CMIP: variants seen among roughly 807,000 people sequenced by gnomAD.
CMIP encodes the protein c-Maf inducing protein.
Under a neutral mutation model 97.3 loss-of-function variants are expected in CMIP, and 13 were observed. The ratio of observed to expected loss-of-function variants is 0.13; its 90% CI spans 0.09 to 0.21. CMIP has a LOEUF of 0.21. CMIP is among the 10% of genes least tolerant of loss of function. The pLI is 1.00. For synonymous variants in CMIP, 538 were observed against 436.3 expected, an observed-to-expected ratio of 1.23 and a Z score of -2.91; for missense variants, 847 against 1,024.9, an observed-to-expected ratio of 0.83 and a Z score of 2.37.
At chr16:81,557,777 C>A (rs79277834) in intron 1 of CMIP, among the ~76,000 whole-genome samples, 8,341 of 152,238 alleles carry the variant, frequency 0.055, 312 homozygotes, top group South Asian at 0.16. Context: ...AAAAACAAGA[C>A]AATTGTGGTG....
intron 1 of CMIP, among the ~76,000 whole-genome samples, chr16:81,490,292 A>C (rs990440302): frequency 2.0e-5 from 3 of 152,254 alleles, no homozygotes; most frequent in Admixed American, 6.5e-5. Flanking sequence ...CCCAGTGCAG[A>C]GGCCTGATGC....
intron 1 of CMIP, among the ~76,000 whole-genome samples, chr16:81,520,984 G>T (rs1300713672): frequency 6.6e-6 from 1 of 152,208 alleles, no homozygotes; most frequent in Non-Finnish European, 1.5e-5. Context: ...GGTGGCATGT[G>T]TCAGAAAAAG....
In CMIP at chr16:81,614,978, C is replaced by CGT. The variant is rs1366298715; in HGVS notation, c.427-5888_427-5887dup. ...GTGTGGTGTGTTGTGTGATATGTGACGTGTGTGTGTGGTGTATGTGTCTAT... is the reference window on the plus strand; with the variant it reads ...GTGTGGTGTGTTGTGTGATATGTGACGTGTGTGTGTGTGGTGTATGTGTCTAT... On this transcript the variant is annotated intron_variant, in intron 2 of 20. Coordinates refer to ENST00000537098, the MANE Select transcript of CMIP (RefSeq NM_198390.3). The surrounding 1 kb of genome is among the most constrained non-coding windows in gnomAD (Gnocchi z 5.3). Among the ~76,000 whole-genome samples the CGT allele has an allele frequency of 7.4e-6, 1 of 135,638 alleles. No homozygotes were observed. Among genetic ancestry groups the CGT allele is most frequent in the Admixed American group, 7.4e-5 (1 of 13,600 alleles). 89.0% of individuals were successfully genotyped at this position (135,638 alleles called of 152,430 possible). A position where few individuals can be genotyped will look rare whatever the true frequency, so the allele number is the denominator to read the frequency against.
chr16:81,617,766 C>T (rs933540245), intron 2 of CMIP, among the ~76,000 whole-genome samples: 1 of 152,260 alleles, frequency 6.6e-6, no homozygotes, highest in Non-Finnish European at 1.5e-5. Context: ...CCTCAAGGAA[C>T]TCCTAGTCCA....
intron 1 of CMIP, among the ~76,000 whole-genome samples, chr16:81,487,959 C>T (rs1483001136): frequency 6.6e-6 from 1 of 152,210 alleles, no homozygotes; most frequent in Non-Finnish European, 1.5e-5. Flanking sequence ...TCGGCTTCTG[C>T]TCTTTGCAAC....
At chr16:81,546,939 A>AT (rs2090557842) in intron 1 of CMIP, among the ~76,000 whole-genome samples, 1 of 152,208 alleles carries the variant, frequency 6.6e-6, no homozygotes, top group African/African-American at 2.4e-5. Context: ...GATGTAGAAC[A>AT]TTCCCTGCAT....
At chr16:81,588,017 C>T (rs1260779928) in intron 1 of CMIP, among the ~76,000 whole-genome samples, 2 of 152,114 alleles carry the variant, frequency 1.3e-5, no homozygotes, top group East Asian at 3.9e-4. Flanking sequence ...CTAAGGCTGC[C>T]GGCTCTTGCT....
chr16:81,627,918 G>A lies in CMIP; in HGVS notation c.477+6992G>A, dbSNP rs534163370. 9.7e-4 allele frequency among the ~76,000 whole-genome samples: 147 copies of A among 152,272 alleles called. No homozygotes were observed. The highest frequency in any genetic ancestry group is 3.5e-3 in the African/African-American group (145 of 41,550). On this transcript the variant is annotated intron_variant, in intron 3 of 20. Coordinates refer to ENST00000537098, the MANE Select transcript of CMIP (RefSeq NM_198390.3). The surrounding 1 kb of genome is among the most constrained non-coding windows in gnomAD (Gnocchi z 4.6). Reference sequence around the variant, plus strand: ...GGCAAAGTGCCTGGGGCTCAGAGAGGGGAAGCCCACCTGACGGGAAGCTGA... The same window carrying A: ...GGCAAAGTGCCTGGGGCTCAGAGAGAGGAAGCCCACCTGACGGGAAGCTGA...
intron 1 of CMIP, among the ~76,000 whole-genome samples, chr16:81,483,930 A>G (rs1438159353): frequency 2.0e-5 from 3 of 152,208 alleles, no homozygotes; most frequent in African/African-American, 2.4e-5. Context: ...TTTCCACCCA[A>G]CATATTTTGT....
Position 81,573,343 on chromosome 16 carries a change from CA to C in CMIP, c.301-34218del, listed in dbSNP as rs2091130293. Among the ~76,000 whole-genome samples the C allele has an allele frequency of 2.8e-5, 4 of 143,150 alleles. No individual in the cohort carries two copies. The South Asian group carries it at 8.8e-4, about 31-fold the overall frequency. The allele number at this position is 143,150 out of a possible 152,430, so 93.9% of individuals were successfully genotyped here. A position where few individuals can be genotyped will look rare whatever the true frequency, so the allele number is the denominator to read the frequency against. On this transcript the variant is annotated intron_variant, in intron 1 of 20. Coordinates refer to ENST00000537098, the MANE Select transcript of CMIP (RefSeq NM_198390.3). ...TGGACAACAGAGCTAGACTCCATCTCAAAAAATAAAAAAAAAAAAAAGGCAT... is the reference window on the plus strand; with the variant it reads ...TGGACAACAGAGCTAGACTCCATCTCAAAAATAAAAAAAAAAAAAAGGCAT...
chr16:81,462,202 A>C (rs1218716760), intron 1 of CMIP, among the ~76,000 whole-genome samples: 1 of 152,206 alleles, frequency 6.6e-6, no homozygotes, highest in African/African-American at 2.4e-5. Context: ...ACAGTCACCA[A>C]AAATCAAAAT....
chr16:81,487,255 G>A (rs565653039), intron 1 of CMIP, among the ~76,000 whole-genome samples: 11 of 147,384 alleles, frequency 7.5e-5, no homozygotes, highest in African/African-American at 2.5e-4. Flanking sequence ...GAGCCCCAGC[G>A]TGACTTCTTG....
At chr16:81,569,630 T>C (rs8045875) in intron 1 of CMIP, among the ~76,000 whole-genome samples, 63,601 of 152,146 alleles carry the variant, frequency 0.42, 15,491 homozygotes, top group Non-Finnish European at 0.55. Context: ...CGATTTGCAA[T>C]GCTTGCCCGT....
At chr16:81,611,799 TC>T (rs1287012658) in intron 2 of CMIP, among the ~76,000 whole-genome samples, 4 of 152,242 alleles carry the variant, frequency 2.6e-5, no homozygotes, top group African/African-American at 9.6e-5. Flanking sequence ...AATCAATGCC[TC>T]TTGCAGACCT....
chr16:81,640,999 C>G (rs2092300345), intron 3 of CMIP, among the ~76,000 whole-genome samples: 1 of 152,114 alleles, frequency 6.6e-6, no homozygotes, highest in Non-Finnish European at 1.5e-5. Context: ...CCCCTCCTCT[C>G]CTCTGCAGCA....
chr16:81,497,919 C>T (rs931484339), intron 1 of CMIP, among the ~76,000 whole-genome samples: 15 of 152,280 alleles, frequency 9.9e-5, no homozygotes, highest in African/African-American at 3.4e-4. Flanking sequence ...GTGGTCCCCC[C>T]AGAGGCTTCT....
intron 1 of CMIP, among the ~76,000 whole-genome samples, chr16:81,566,190 G>A (rs895032148): frequency 2.4e-4 from 36 of 152,214 alleles, no homozygotes; most frequent in South Asian, 6.2e-4. Flanking sequence ...AGGGTGCGCC[G>A]GTGTGGCTGG....
chr16:81,467,693 G>C (rs1375435788), intron 1 of CMIP, among the ~76,000 whole-genome samples: 1 of 149,856 alleles, frequency 6.7e-6, no homozygotes, highest in Non-Finnish European at 1.5e-5. Flanking sequence ...CGATTCTCTT[G>C]CCTCTACCTC....
chr16:81,459,524 G>C (rs528546692), intron 1 of CMIP, among the ~76,000 whole-genome samples: 2 of 152,354 alleles, frequency 1.3e-5, no homozygotes, highest in South Asian at 2.1e-4. Context: ...GATATTATTG[G>C]TGGTTTTCAC....
Sources: allele counts gnomAD v4.1 joint callset (sites outside exome capture counted in the v4.1 genomes callset), GRCh38; gene constraint gnomAD v4.1.1; non-coding constraint Gnocchi (gnomAD v3.1); transcripts MANE v1.5; gene names NCBI Gene and HGNC (gene_info 2026-07-23, HGNC 2026-07-21).